PEAK1: variants seen among roughly 807,000 people sequenced by gnomAD.
PEAK1 encodes the protein inactive tyrosine-protein kinase PEAK1.
A neutral mutation model predicts 124.7 loss-of-function variants in PEAK1; 54 were observed. The ratio of observed to expected loss-of-function variants is 0.43; its 90% CI spans 0.35 to 0.54. The LOEUF (loss-of-function observed/expected upper bound fraction) is 0.54, where lower values mean the gene tolerates loss of function less well. Among genes scored for constraint, PEAK1 ranks in the 20% least tolerant of loss-of-function variants. The pLI is 0.01. For missense variants in PEAK1, 2,046 were observed against 2,134.5 expected (o/e 0.96, Z 0.82); for synonymous variants, 719 against 760.0 (o/e 0.95, Z 0.89).
intron 2 of PEAK1, chr15:77,335,304 G>A: frequency 1.0e-6 from 1 of 985,306 alleles, no homozygotes; most frequent in Non-Finnish European, 1.2e-6. Context: ...TGGGTTTTCT[G>A]GCATGAGTGG....
intron 6 of PEAK1, among the ~76,000 whole-genome samples, chr15:77,200,222 C>G (rs886289388): frequency 7.0e-4 from 106 of 152,246 alleles, no homozygotes; most frequent in African/African-American, 2.4e-3. Context: ...AATATATTCT[C>G]TTCCTTATGA....
intron 2 of PEAK1, among the ~76,000 whole-genome samples, chr15:77,299,589 A>C (rs2063685603): frequency 6.6e-6 from 1 of 152,196 alleles, no homozygotes; most frequent in Admixed American, 6.5e-5. Flanking sequence ...TTAAATCTGG[A>C]ATAGTTCTAA....
intron 2 of PEAK1, among the ~76,000 whole-genome samples, chr15:77,308,248 C>A (rs1175810231): frequency 6.6e-6 from 1 of 152,014 alleles, no homozygotes; most frequent in East Asian, 1.9e-4. Flanking sequence ...CTCTGAGCTT[C>A]CTTCCATGTC....
chr15:77,197,826 C>T (rs1032972008), intron 6 of PEAK1, among the ~76,000 whole-genome samples: 3 of 152,132 alleles, frequency 2.0e-5, no homozygotes, highest in Non-Finnish European at 4.4e-5. Flanking sequence ...TTGAACTGCG[C>T]AGTTCAACTT....
Position 77,115,087 on chromosome 15 carries a change from C to A in PEAK1, c.4310G>T (p.Cys1437Phe). The A allele has an allele frequency of 6.2e-7, 1 of 1,614,128 alleles. No homozygotes were observed. The highest frequency in any genetic ancestry group is 8.5e-7 in the Non-Finnish European group (1 of 1,180,030). The change falls in exon 10 of 10, where the codon TGT (cysteine) becomes TTT (phenylalanine). Residue 1437 changes from cysteine to phenylalanine, a missense_variant. Cys to Phe is a radical substitution (Grantham distance 205, BLOSUM62 -2). Coordinates refer to ENST00000682557, the MANE Select transcript of PEAK1 (RefSeq NM_001385026.1). ...GETDGKNPKPCSEAASSQKEN... is the reference protein window; with the variant it reads ...GETDGKNPKPFSEAASSQKEN... ...TTTCTGGGATGATGCTGCTTCAGAA[C>A]AGGGCTTTGGGTTTTTCCCATCCGT...
intron 8 of PEAK1, among the ~76,000 whole-genome samples, chr15:77,150,040 G>A (rs569705313): frequency 3.9e-5 from 6 of 152,048 alleles, no homozygotes; most frequent in East Asian, 1.9e-4. Flanking sequence ...ATGAGCCACC[G>A]TGCCTGGCAG....
intron 6 of PEAK1, among the ~76,000 whole-genome samples, chr15:77,206,553 T>G (rs1279374821): frequency 6.6e-6 from 1 of 151,888 alleles, no homozygotes; most frequent in Non-Finnish European, 1.5e-5. Context: ...ATAGTGGTTT[T>G]GATTTGCATT....
At chr15:77,349,617 T>C (rs2067085940) in intron 2 of PEAK1, 2 of 984,936 alleles carry the variant, frequency 2.0e-6, no homozygotes, top group Non-Finnish European at 2.4e-6. Flanking sequence ...ACTGAATCCA[T>C]GTTTCTATCA....
intron 2 of PEAK1, among the ~76,000 whole-genome samples, chr15:77,300,740 T>A (rs1458919992): frequency 6.6e-6 from 1 of 152,218 alleles, no homozygotes; most frequent in African/African-American, 2.4e-5. Context: ...CTAGTCTTGG[T>A]TGTGACAGTT....
At chr15:77,169,415 G>A (rs368442001) in intron 7 of PEAK1, among the ~76,000 whole-genome samples, 12 of 152,116 alleles carry the variant, frequency 7.9e-5, no homozygotes, top group Admixed American at 5.2e-4. Context: ...AAGTAACTAC[G>A]GCCCATTGGC....
chr15:77,277,225 A>G (rs907796798), intron 5 of PEAK1, among the ~76,000 whole-genome samples: 1 of 152,216 alleles, frequency 6.6e-6, no homozygotes, highest in African/African-American at 2.4e-5. Context: ...CCAATCTCAA[A>G]GATTTTATAC....
Position 77,180,351 on chromosome 15 carries a change from A to G in PEAK1, c.1576T>C (p.Ser526Pro), listed in dbSNP as rs1311375167. 6.2e-7 allele frequency: 1 copy of G among 1,613,926 alleles called. No homozygotes were observed. Among genetic ancestry groups the G allele is most frequent in the African/African-American group, 1.3e-5 (1 of 74,866 alleles). Reference sequence around the variant, plus strand: ...ACTTCTTGGTATCGAATTGCACTGGATTTTTGGAAATGGGCACTTATTTGT... The same window carrying G: ...ACTTCTTGGTATCGAATTGCACTGGGTTTTTGGAAATGGGCACTTATTTGT... ...PGQISAHFQK[S>P]SAIRYQEVWT... is the part of the protein sequence containing the mutation. Residue 526 changes from serine to proline, a missense_variant, in exon 7 of 10, where the codon TCC becomes CCC. Coordinates refer to ENST00000682557, the MANE Select transcript of PEAK1 (RefSeq NM_001385026.1).
chr15:77,114,671 G>GA lies in PEAK1; in HGVS notation c.4725dup (p.Arg1576SerfsTer13). 6.2e-7 allele frequency: 1 copy of GA among 1,613,826 alleles called. No individual in the cohort carries two copies. The highest frequency in any genetic ancestry group is 8.5e-7 in the Non-Finnish European group (1 of 1,180,004). ...GCTGTTATGATCTCTGGGGCAAGGC[G>GA]AGACTGGTCCCGGAGGATCTCGGGG... On this transcript the variant is annotated frameshift_variant, in exon 10 of 10. Coordinates refer to ENST00000682557, the MANE Select transcript of PEAK1 (RefSeq NM_001385026.1). LOFTEE classifies it high-confidence loss of function.
At chr15:77,254,247 C>T (rs2061019306) in intron 5 of PEAK1, among the ~76,000 whole-genome samples, 2 of 152,042 alleles carry the variant, frequency 1.3e-5, no homozygotes, top group African/African-American at 2.4e-5. Flanking sequence ...AAATTTTTAG[C>T]ACTTATTTCT....
chr15:77,290,034 T>C (rs2063135389), intron 2 of PEAK1, among the ~76,000 whole-genome samples: 1 of 152,118 alleles, frequency 6.6e-6, no homozygotes. Flanking sequence ...AGTGGCATGA[T>C]TCAGCTCACC....
At chr15:77,386,360 T>C (rs1344805212) in intron 1 of PEAK1, among the ~76,000 whole-genome samples, 2 of 152,214 alleles carry the variant, frequency 1.3e-5, no homozygotes, top group African/African-American at 4.8e-5. Context: ...GCCTTCTTCA[T>C]CAATATTTGA....
At chr15:77,254,843 G>C (rs950812054) in intron 5 of PEAK1, among the ~76,000 whole-genome samples, 1 of 152,158 alleles carries the variant, frequency 6.6e-6, no homozygotes, top group Non-Finnish European at 1.5e-5. Flanking sequence ...AAAAATGCAA[G>C]ATCTCTGCTC....
chr15:77,375,438 T>C (rs2068933903), intron 1 of PEAK1, among the ~76,000 whole-genome samples: 1 of 152,180 alleles, frequency 6.6e-6, no homozygotes, highest in Non-Finnish European at 1.5e-5. Flanking sequence ...TTCCATGGTG[T>C]ATAAGCTGTA....
At chr15:77,418,345 AT>A (rs924452482) in intron 1 of PEAK1, 4 of 985,128 alleles carry the variant, frequency 4.1e-6, no homozygotes, top group African/African-American at 1.7e-5. Context: ...ATAATTTGAC[AT>A]TTTTTCCCAC....
Sources: allele counts gnomAD v4.1 joint callset (sites outside exome capture counted in the v4.1 genomes callset), GRCh38; gene constraint gnomAD v4.1.1; transcripts MANE v1.5; gene names NCBI Gene and HGNC (gene_info 2026-07-23, HGNC 2026-07-21).